Variants in TRPM3 observed in about 807,000 individuals in gnomAD.
TRPM3 encodes transient receptor potential cation channel subfamily M member 3, also known as long transient receptor potential channel 3.
A neutral mutation model predicts 181.2 loss-of-function variants in TRPM3; 77 were observed. The observed-to-expected ratio is 0.42, with a 90% CI of 0.35 to 0.51. The LOEUF (loss-of-function observed/expected upper bound fraction) is 0.51, where lower values mean the gene tolerates loss of function less well. TRPM3 is among the 20% of genes least tolerant of loss of function. The pLI is 0.01. For synonymous variants in TRPM3, 745 were observed against 796.4 expected (o/e 0.94, Z 1.09); for missense variants, 1,759 against 2,196.7 (o/e 0.80, Z 3.98).
At chr9:71,210,390 A>T (rs562276178) in intron 1 of TRPM3, among the ~76,000 whole-genome samples, 1 of 152,276 alleles carries the variant, frequency 6.6e-6, no homozygotes, top group East Asian at 1.9e-4. Context: ...AATAAAGTAC[A>T]CCATAAATGT....
chr9:70,677,929 T>A (rs2064426688), intron 9 of TRPM3, among the ~76,000 whole-genome samples: 1 of 152,066 alleles, frequency 6.6e-6, no homozygotes, highest in South Asian at 2.1e-4. Flanking sequence ...CAATTTTTTT[T>A]TTTTTTTTTT....
chr9:70,816,614 A>G (rs2092714713), intron 6 of TRPM3, among the ~76,000 whole-genome samples: 1 of 152,202 alleles, frequency 6.6e-6, no homozygotes, highest in Non-Finnish European at 1.5e-5. Context: ...ATCTTCCAGG[A>G]TTCATCTTAG....
At chr9:71,366,425 T>C (rs2092336904) in intron 1 of TRPM3, among the ~76,000 whole-genome samples, 1 of 152,084 alleles carries the variant, frequency 6.6e-6, no homozygotes, top group Non-Finnish European at 1.5e-5. Context: ...TCAGCAGCCC[T>C]GGAGACAGCC....
intron 9 of TRPM3, among the ~76,000 whole-genome samples, chr9:70,657,198 TAAAAA>T (rs3073513): frequency 3.4e-5 from 4 of 117,688 alleles, no homozygotes; most frequent in Non-Finnish European, 5.5e-5. Context: ...GGGCTTGAGG[TAAAAA>T]AAAAAAAAAA....
intron 1 of TRPM3, among the ~76,000 whole-genome samples, chr9:71,232,949 G>C (rs2081155091): frequency 6.6e-6 from 1 of 152,144 alleles, no homozygotes. Context: ...GGGTAATCCA[G>C]GGATCATCTT....
rs774857339 is a variant in TRPM3, at chr9:71,022,387, CA to C, written c.177+98790del. 5.9e-5 allele frequency among the ~76,000 whole-genome samples: 9 copies of C among 152,072 alleles called. No homozygotes were observed. In the East Asian group the frequency reaches 1.5e-3, roughly 26 times the overall value. ...TTCAACCTAAACCTCATGTGTCATACAAAAAAATAATTTAAAATAGATCACA... is the reference window on the plus strand; with the variant it reads ...TTCAACCTAAACCTCATGTGTCATACAAAAAATAATTTAAAATAGATCACA... On this transcript the variant is annotated intron_variant, in intron 1 of 25. Transcript: ENST00000677713.
At chr9:71,420,809 AAG>A in intron 1 of TRPM3, among the ~76,000 whole-genome samples, 1 of 5,550 alleles carries the variant, frequency 1.8e-4, no homozygotes, top group East Asian at 5.5e-3. Flanking sequence ...GAAAGAGAGA[AAG>A]AAAGAGAGAA....
intron 1 of TRPM3, among the ~76,000 whole-genome samples, chr9:71,144,215 C>G (rs1203808730): frequency 2.6e-5 from 4 of 152,120 alleles, no homozygotes; most frequent in African/African-American, 9.7e-5. Flanking sequence ...AAACTTATTA[C>G]TCTGGTTTGA....
At chr9:71,105,311 G>A (rs1400325464) in intron 1 of TRPM3, among the ~76,000 whole-genome samples, 1 of 152,086 alleles carries the variant, frequency 6.6e-6, no homozygotes, top group Non-Finnish European at 1.5e-5. Context: ...CATGAGAGGA[G>A]GCACAGGAGA....
At chr9:70,969,427 A>T (rs2097216665) in intron 1 of TRPM3, among the ~76,000 whole-genome samples, 1 of 152,106 alleles carries the variant, frequency 6.6e-6, no homozygotes, top group African/African-American at 2.4e-5. Context: ...GTTAAAAATA[A>T]TAAGACATTA....
chr9:70,945,879 C>A (rs1181108542), intron 1 of TRPM3, among the ~76,000 whole-genome samples: 1 of 151,984 alleles, frequency 6.6e-6, no homozygotes, highest in Admixed American at 6.6e-5. Context: ...GGATAGAAAA[C>A]CTGCAGGGTG....
Position 70,529,367 on chromosome 9 carries a change from A to C in TRPM3, c.*6586T>G, listed in dbSNP as rs550636833. 1 of 152,382 alleles carries C rather than the reference A, an allele frequency of 6.6e-6. No homozygotes were observed. Among genetic ancestry groups the C allele is most frequent in the Non-Finnish European group, 1.5e-5 (1 of 68,036 alleles). The allele number at this position is 152,382 out of a possible 1,614,324, so 9.4% of individuals were successfully genotyped here. ...ATTGTATTTGTAGGAATTCATTTAA[A>C]AATGATATCTGAATAATTTCCCCCA... On this transcript the variant is annotated 3_prime_UTR_variant, in exon 26 of 26. Coordinates refer to ENST00000677713, the MANE Select transcript of TRPM3 (RefSeq NM_001366145.2).
chr9:70,573,535 G>T (rs1204690538), intron 22 of TRPM3, among the ~76,000 whole-genome samples: 1 of 152,186 alleles, frequency 6.6e-6, no homozygotes, highest in East Asian at 1.9e-4. Context: ...TACACACACA[G>T]TCTGGGCTCT....
intron 1 of TRPM3, chr9:70,917,567 T>C: frequency 1.7e-6 from 1 of 591,888 alleles, no homozygotes; most frequent in Non-Finnish European, 3.1e-6. Context: ...TGTTAAGTTG[T>C]TATATCAACT....
chr9:71,096,590 A>ACACACTCTCTCTCTCTCT (rs1452142664), intron 1 of TRPM3, among the ~76,000 whole-genome samples: 21 of 90,036 alleles, frequency 2.3e-4, no homozygotes, highest in African/African-American at 1.0e-3. Flanking sequence ...ACACACACAC[A>ACACACTCTCTCTCTCTCT]CTCTCTCTCT....
chr9:70,631,099 G>A (rs1055857776), intron 12 of TRPM3, among the ~76,000 whole-genome samples: 2 of 152,166 alleles, frequency 1.3e-5, no homozygotes, highest in African/African-American at 4.8e-5. Context: ...CCAAGGAAGT[G>A]TGAAGAAAAG....
At chr9:70,906,837 A>T (rs1482521479) in intron 1 of TRPM3, among the ~76,000 whole-genome samples, 1 of 152,178 alleles carries the variant, frequency 6.6e-6, no homozygotes, top group East Asian at 1.9e-4. Flanking sequence ...CGGGAGGCAG[A>T]GGTGGCAGTG....
rs937205330 is a variant in TRPM3 at position 70,529,997 on chromosome 9, A to G, written c.*5956T>C. 6 of 152,330 alleles carry G rather than the reference A, an allele frequency of 3.9e-5. No homozygotes were observed. Among genetic ancestry groups the G allele is most frequent in the East Asian group, 1.9e-4 (1 of 5,188 alleles). The allele number at this position is 152,330 out of a possible 1,614,324, so 9.4% of individuals were successfully genotyped here. ...GTTTGAATTTGCAGCCTCTCAGTCT[A>G]TGTGCAGATGGCTGGTTTTAATGAT... On this transcript the variant is annotated 3_prime_UTR_variant, in exon 26 of 26. Coordinates refer to ENST00000677713, the MANE Select transcript of TRPM3 (RefSeq NM_001366145.2).
intron 1 of TRPM3, among the ~76,000 whole-genome samples, chr9:71,317,689 A>ACACACGCG (rs1295643547): frequency 6.6e-6 from 1 of 151,688 alleles, no homozygotes; most frequent in African/African-American, 2.4e-5. Context: ...ACACACACAC[A>ACACACGCG]CACACGCGCA....
Sources: allele counts gnomAD v4.1 joint callset (sites outside exome capture counted in the v4.1 genomes callset), GRCh38; gene constraint gnomAD v4.1.1; transcripts MANE v1.5; gene names NCBI Gene and HGNC (gene_info 2026-07-23, HGNC 2026-07-21).